The following DNAI4 variants were observed in gnomAD, a reference collection of about 807,000 sequenced individuals.
DNAI4 encodes WD repeat domain 78.
Under a neutral mutation model 105.8 loss-of-function variants are expected in DNAI4, and 85 were observed. The ratio of observed to expected loss-of-function variants is 0.80; its 90% CI spans 0.67 to 0.96. DNAI4 has a LOEUF of 0.96. Among genes scored for constraint, DNAI4 ranks in the 40% least tolerant of loss-of-function variants. DNAI4 has a pLI of 0.00. For synonymous variants in DNAI4, 352 were observed against 331.5 expected (o/e 1.06, Z -0.67); for missense variants, 1,014 against 1,005.6 (o/e 1.01, Z -0.11).
intron 15 of DNAI4, among the ~76,000 whole-genome samples, chr1:66,825,203 C>T (rs1225915458): frequency 1.2e-3 from 154 of 130,574 alleles, no homozygotes; most frequent in African/African-American, 4.1e-3. Flanking sequence ...GACGGAGTCT[C>T]GCTCTGTCGC....
At chr1:66,843,262 CAAG>C (rs1387045277) in intron 8 of DNAI4, among the ~76,000 whole-genome samples, 3 of 145,976 alleles carry the variant, frequency 2.1e-5, no homozygotes, top group East Asian at 2.0e-4. Flanking sequence ...TGAAGAAGAA[CAAG>C]AAGAAGAGAA....
chr1:66,880,199 T>C (rs1333457644), intron 4 of DNAI4, among the ~76,000 whole-genome samples: 1 of 152,228 alleles, frequency 6.6e-6, no homozygotes, highest in Non-Finnish European at 1.5e-5. Context: ...AAGTCTCAGG[T>C]ATGTCTTTAT....
At chr1:66,833,316 C>T (rs1322750551) in intron 13 of DNAI4, among the ~76,000 whole-genome samples, 1 of 152,072 alleles carries the variant, frequency 6.6e-6, no homozygotes, top group Non-Finnish European at 1.5e-5. Context: ...GTTGTGCAAT[C>T]ATCACCACAA....
chr1:66,886,427 G>A (rs1647203071), intron 4 of DNAI4, among the ~76,000 whole-genome samples: 2 of 152,158 alleles, frequency 1.3e-5, no homozygotes, highest in South Asian at 2.1e-4. Context: ...GTTGTATCCT[G>A]TAACAGGTGC....
At chr1:66,841,460 G>A (rs572813599) in intron 8 of DNAI4, among the ~76,000 whole-genome samples, 3 of 152,304 alleles carry the variant, frequency 2.0e-5, no homozygotes, top group East Asian at 3.9e-4. Context: ...GTTGCAATTG[G>A]AGTCACCAAC....
chr1:66,826,445 C>T (rs539440168), intron 15 of DNAI4, among the ~76,000 whole-genome samples: 18 of 152,046 alleles, frequency 1.2e-4, no homozygotes, highest in South Asian at 1.0e-3. Context: ...ACTACAGGTG[C>T]ATGCCACCAC....
rs74858441 is a variant in DNAI4 at position 66,852,593 on chromosome 1, C to T, written c.1097-4915G>A. Among the ~76,000 whole-genome samples, 180 of 151,716 alleles carry T rather than the reference C, an allele frequency of 1.2e-3. 1 individual carries two copies. Among genetic ancestry groups the T allele is most frequent in the African/African-American group, 3.8e-3 (159 of 41,372 alleles). ...AAAAAATCAATCAAAGTAATCCATA[C>T]GTTTAGGCCAATGAAAAAAAATCAC... On this transcript the variant is annotated intron_variant, in intron 7 of 16. Coordinates refer to ENST00000371026, the MANE Select transcript of DNAI4 (RefSeq NM_024763.5).
At chr1:66,924,536 A>C in intron 1 of DNAI4, 126 bp downstream of exon 1, 1 of 1,281,148 alleles carries the variant, frequency 7.8e-7, no homozygotes, top group Non-Finnish European at 1.1e-6. Context: ...TAGGAGCTTC[A>C]AGGTCTACAG....
At chr1:66,858,223 C>A (rs1038963366) in intron 7 of DNAI4, among the ~76,000 whole-genome samples, 10 of 152,072 alleles carry the variant, frequency 6.6e-5, no homozygotes, top group Middle Eastern at 3.4e-3. Context: ...AGAACAATAT[C>A]TCACATGAAA....
intron 7 of DNAI4, among the ~76,000 whole-genome samples, chr1:66,861,140 A>T (rs1646617072): frequency 6.6e-6 from 1 of 152,182 alleles, no homozygotes; most frequent in Non-Finnish European, 1.5e-5. Flanking sequence ...GTCAGTTATA[A>T]ATAAGGGAAT....
chr1:66,851,119 C>A (rs956989797), intron 7 of DNAI4, among the ~76,000 whole-genome samples: 2 of 151,330 alleles, frequency 1.3e-5, no homozygotes, highest in Non-Finnish European at 3.0e-5. Flanking sequence ...TTCAAATATA[C>A]AATGTAGATA....
Position 66,822,467 on chromosome 1 carries a change from G to A in DNAI4, c.2390C>T (p.Thr797Ile). 4 of 1,612,854 alleles carry A rather than the reference G, an allele frequency of 2.5e-6. 1 individual carries two copies. The East Asian group carries it at 8.9e-5, about 36-fold the overall frequency. Residue 797 changes from threonine to isoleucine, a missense_variant, in exon 16 of 17, where the codon ACC becomes ATC. Transcript: ENST00000371026. Reference protein sequence around the residue: ...NTANPGIKFTTILFAKQTDCL... With the variant: ...NTANPGIKFTIILFAKQTDCL... ...ATCTGTTTGTTTGGCAAAGAGAATG[G>A]TTGTGAACTTGATTCCAGGGTTAGC...
intron 16 of DNAI4, among the ~76,000 whole-genome samples, chr1:66,816,142 G>A (rs1239590321): frequency 6.6e-6 from 1 of 151,818 alleles, no homozygotes; most frequent in East Asian, 1.9e-4. Flanking sequence ...GTCCCTGTCT[G>A]TACAAAAAAT....
At chr1:66,841,208 A>T (rs1646141169) in intron 8 of DNAI4, among the ~76,000 whole-genome samples, 1 of 152,232 alleles carries the variant, frequency 6.6e-6, no homozygotes, top group Non-Finnish European at 1.5e-5. Flanking sequence ...CTAGTGTGTT[A>T]TCTTGTTGAA....
At chr1:66,822,999 C>T (rs1645665867) in intron 15 of DNAI4, among the ~76,000 whole-genome samples, 1 of 151,992 alleles carries the variant, frequency 6.6e-6, no homozygotes, top group Non-Finnish European at 1.5e-5. Context: ...TGCTGGTGCG[C>T]TGCACCCACT....
At chr1:66,917,051 A>C (rs1303182488) in intron 1 of DNAI4, among the ~76,000 whole-genome samples, 1 of 152,196 alleles carries the variant, frequency 6.6e-6, no homozygotes, top group East Asian at 1.9e-4. Flanking sequence ...TAATCCTTTA[A>C]GATATTAGGT....
Position 66,924,847 on chromosome 1 carries a change from C to T in DNAI4, c.-16G>A. 1 of 1,611,676 alleles carries T rather than the reference C, an allele frequency of 6.2e-7. No individual in the cohort carries two copies. The highest frequency in any genetic ancestry group is 8.5e-7 in the Non-Finnish European group (1 of 1,178,662). Reference sequence around the variant, plus strand: ...CGGGCGTCATGGCGACGGTGGAGCCCTGGCTCAACAAGCGGCCGCGCGGTT... The same window carrying T: ...CGGGCGTCATGGCGACGGTGGAGCCTTGGCTCAACAAGCGGCCGCGCGGTT... On this transcript the variant is annotated 5_prime_UTR_variant, in exon 1 of 17. Coordinates refer to ENST00000371026, the MANE Select transcript of DNAI4 (RefSeq NM_024763.5).
At chr1:66,898,353 G>A (rs1367631628) in intron 2 of DNAI4, among the ~76,000 whole-genome samples, 2 of 152,182 alleles carry the variant, frequency 1.3e-5, no homozygotes, top group Admixed American at 6.5e-5. Flanking sequence ...TGAAAAGGAT[G>A]TGAATTTGGG....
At chr1:66,892,952 A>AGAAAGAAG (rs1647807560) in intron 3 of DNAI4, among the ~76,000 whole-genome samples, 2 of 81,288 alleles carry the variant, frequency 2.5e-5, no homozygotes, top group African/African-American at 1.3e-4. Context: ...AAGAAAGAGA[A>AGAAAGAAG]GAAAGAAAGA....
Sources: gnomAD v4.1 joint callset for allele counts (sites outside exome capture counted in the v4.1 genomes callset) on GRCh38, gnomAD v4.1.1 for gene constraint, MANE v1.5 for transcripts, NCBI Gene and HGNC (gene_info 2026-07-23, HGNC 2026-07-21) for gene names.